LRRC37A2: variants seen among roughly 807,000 people sequenced by gnomAD.
LRRC37A2 encodes leucine rich repeat containing 37 member A2.
Under a neutral mutation model 68.8 loss-of-function variants are expected in LRRC37A2, and 9 were observed. The observed-to-expected ratio is 0.13, with a 90% CI of 0.08 to 0.23. LRRC37A2 has a LOEUF of 0.23. Among genes scored for constraint, LRRC37A2 ranks in the 10% least tolerant of loss-of-function variants. The probability of loss-of-function intolerance (pLI) is 1.00; values close to 1 mark genes in which losing one functional copy is unlikely to be tolerated. For synonymous variants in LRRC37A2, 63 were observed against 367.6 expected, an observed-to-expected ratio of 0.17 and a Z score of 9.48; for missense variants, 168 against 950.4, an observed-to-expected ratio of 0.18 and a Z score of 10.82.
chr17:46,760,667 A>C, the LRRC37A2 span, among the ~76,000 whole-genome samples: 1 of 151,856 alleles, frequency 6.6e-6, no homozygotes, highest in African/African-American at 2.4e-5. Context: ...AAAAGGAAAA[A>C]GTACCTAGAA....
the LRRC37A2 span, among the ~76,000 whole-genome samples, chr17:46,906,622 A>T: frequency 6.6e-6 from 1 of 152,070 alleles, no homozygotes; most frequent in East Asian, 1.9e-4. Context: ...CTCCAATACC[A>T]TGTATCATGT....
chr17:46,863,718 G>A, the LRRC37A2 span, among the ~76,000 whole-genome samples: 4 of 152,160 alleles, frequency 2.6e-5, no homozygotes, highest in Non-Finnish European at 4.4e-5. Context: ...CATGGGGGTC[G>A]GACCGAGTTA....
chr17:46,462,013 A>G, the LRRC37A2 span, among the ~76,000 whole-genome samples: 1 of 81,184 alleles, frequency 1.2e-5, no homozygotes, highest in East Asian at 2.4e-4. Context: ...AAAAAAAAGA[A>G]GCCAATAATG....
At chr17:46,730,793 A>G in the LRRC37A2 span, among the ~76,000 whole-genome samples, 1 of 152,190 alleles carries the variant, frequency 6.6e-6, no homozygotes, top group African/African-American at 2.4e-5. Context: ...AATGGCCAAC[A>G]AGTATAAGAA....
the LRRC37A2 span, among the ~76,000 whole-genome samples, chr17:46,754,353 A>T: frequency 1.4e-4 from 22 of 152,144 alleles, no homozygotes; most frequent in Non-Finnish European, 2.8e-4. Context: ...AAGAAAAGAA[A>T]AAAAAATCCG....
chr17:46,736,941 C>T, the LRRC37A2 span, among the ~76,000 whole-genome samples: 1 of 152,160 alleles, frequency 6.6e-6, no homozygotes, highest in Non-Finnish European at 1.5e-5. Flanking sequence ...TGGTTGAATG[C>T]CAGTGTGACT....
the LRRC37A2 span, among the ~76,000 whole-genome samples, chr17:46,787,957 G>GAA: frequency 7.1e-5 from 7 of 98,448 alleles, no homozygotes; most frequent in Admixed American, 1.1e-4. Context: ...CTCTGCCTCA[G>GAA]AAAAAAAAAA....
the LRRC37A2 span, chr17:46,818,379 G>C: frequency 5.1e-6 from 4 of 791,276 alleles, no homozygotes; most frequent in Admixed American, 9.2e-5. Context: ...AAATCCAGGA[G>C]GGGTGGGCGG....
At chr17:46,718,630 C>G in the LRRC37A2 span, among the ~76,000 whole-genome samples, 2 of 152,200 alleles carry the variant, frequency 1.3e-5, no homozygotes, top group African/African-American at 4.8e-5. Context: ...AGTAGTATAA[C>G]ATGACCGAGA....
the LRRC37A2 span, among the ~76,000 whole-genome samples, chr17:46,807,717 A>G: frequency 3.3e-5 from 5 of 152,328 alleles, no homozygotes; most frequent in African/African-American, 9.6e-5. Context: ...AAAGACTCCA[A>G]CATGTCTGCC....
the LRRC37A2 span, among the ~76,000 whole-genome samples, chr17:46,734,044 C>T: frequency 6.6e-6 from 1 of 152,190 alleles, no homozygotes; most frequent in Non-Finnish European, 1.5e-5. Context: ...TTTTTAACAT[C>T]AGCAGTCTCT....
At chr17:46,800,353 C>T in the LRRC37A2 span, among the ~76,000 whole-genome samples, 2 of 152,108 alleles carry the variant, frequency 1.3e-5, no homozygotes, top group Admixed American at 6.6e-5. Flanking sequence ...TCAGGTGATC[C>T]GCCCACCTCG....
At chr17:46,744,064 AC>A in the LRRC37A2 span, among the ~76,000 whole-genome samples, 1 of 151,682 alleles carries the variant, frequency 6.6e-6, no homozygotes, top group African/African-American at 2.4e-5. Flanking sequence ...TTCCTAGATA[AC>A]CCCCCTCCAG....
chr17:46,984,976 CT>C, the LRRC37A2 span, among the ~76,000 whole-genome samples: 4 of 152,282 alleles, frequency 2.6e-5, no homozygotes, highest in South Asian at 2.1e-4. Context: ...AACAACCCCC[CT>C]AGGACCCGGT....
the LRRC37A2 span, among the ~76,000 whole-genome samples, chr17:46,989,352 A>G: frequency 1.3e-5 from 2 of 152,174 alleles, no homozygotes; most frequent in African/African-American, 2.4e-5. Flanking sequence ...TTGTGCTCAG[A>G]ATTGTAAAGA....
the LRRC37A2 span, among the ~76,000 whole-genome samples, chr17:46,828,804 A>G: frequency 6.6e-6 from 1 of 151,974 alleles, no homozygotes; most frequent in Non-Finnish European, 1.5e-5. Context: ...ACAAAAAAAA[A>G]AAAAAGAATT....
the LRRC37A2 span, among the ~76,000 whole-genome samples, chr17:47,014,104 C>G: frequency 6.8e-6 from 1 of 147,328 alleles, no homozygotes; most frequent in African/African-American, 2.5e-5. Flanking sequence ...AAAAAACAAA[C>G]AAACAGGCCA....
rs540196551 is a variant in LRRC37A2 at position 46,544,850 on chromosome 17, C to T, written c.3054-1405C>T. 3.6e-4 allele frequency among the ~76,000 whole-genome samples: 47 copies of T among 130,040 alleles called. 2 individuals are homozygous for T. Among genetic ancestry groups the T allele is most frequent in the African/African-American group, 1.4e-3 (44 of 32,240 alleles). The allele number at this position is 130,040 out of a possible 152,430, so 85.3% of individuals were successfully genotyped here. A position where few individuals can be genotyped will look rare whatever the true frequency, so the allele number is the denominator to read the frequency against. On this transcript the variant is annotated intron_variant, in intron 8 of 14. Transcript: ENST00000576629. Reference sequence around the variant, plus strand: ...AAAGATGAAAGAATAGTACAGAATCCAATCAAAGATCAGGCACTGCATGTC... The same window carrying T: ...AAAGATGAAAGAATAGTACAGAATCTAATCAAAGATCAGGCACTGCATGTC...
the LRRC37A2 span, among the ~76,000 whole-genome samples, chr17:47,013,638 G>C: frequency 6.6e-6 from 1 of 152,148 alleles, no homozygotes; most frequent in Non-Finnish European, 1.5e-5. Flanking sequence ...TCTGCTTTTA[G>C]AAACCAAAAG....
Sources: gnomAD v4.1 joint callset for allele counts (sites outside exome capture counted in the v4.1 genomes callset) on GRCh38, gnomAD v4.1.1 for gene constraint, MANE v1.5 for transcripts, NCBI Gene and HGNC (gene_info 2026-07-23, HGNC 2026-07-21) for gene names.